The following XIRP2 variants were observed in gnomAD, a reference collection of about 807,000 sequenced individuals.
The protein encoded by XIRP2 is xin actin-binding repeat-containing protein 2.
In XIRP2, 236 loss-of-function variants were observed where a neutral mutation model predicts 277.0. The observed-to-expected ratio is 0.85, with a 90% CI of 0.77 to 0.95. XIRP2 has a LOEUF of 0.95. XIRP2 is among the 40% of genes least tolerant of loss of function. The probability of loss-of-function intolerance (pLI) is 0.00; values close to 1 mark genes in which losing one functional copy is unlikely to be tolerated. For missense variants in XIRP2, 4,640 were observed against 4,157.5 expected, an observed-to-expected ratio of 1.12 and a Z score of -3.19; for synonymous variants, 1,490 against 1,416.5, an observed-to-expected ratio of 1.05 and a Z score of -1.17.
chr2:167,198,668 A>T (rs1466511989), intron 3 of XIRP2, among the ~76,000 whole-genome samples: 5 of 152,190 alleles, frequency 3.3e-5, no homozygotes, highest in Admixed American at 2.6e-4. Context: ...AAGGTTTGAG[A>T]TACTATTTTT....
intron 5 of XIRP2, among the ~76,000 whole-genome samples, chr2:167,231,285 A>G (rs1694743414): frequency 6.6e-6 from 1 of 152,038 alleles, no homozygotes; most frequent in African/African-American, 2.4e-5. Context: ...GGAGGTCTGT[A>G]TAATTCAGTA....
chr2:167,089,516 G>A (rs1292347376), intron 2 of XIRP2, among the ~76,000 whole-genome samples: 1 of 152,132 alleles, frequency 6.6e-6, no homozygotes, highest in Non-Finnish European at 1.5e-5. Context: ...ATATCAAAAT[G>A]TTGTGCGCAT....
At chr2:166,910,517 GT>G (rs1461744176) in intron 2 of XIRP2, among the ~76,000 whole-genome samples, 1 of 151,824 alleles carries the variant, frequency 6.6e-6, no homozygotes, top group Non-Finnish European at 1.5e-5. Flanking sequence ...TTCTTTATTA[GT>G]CTTGCTGATG....
intron 2 of XIRP2, among the ~76,000 whole-genome samples, chr2:166,975,774 A>T (rs1232788126): frequency 2.0e-5 from 3 of 151,740 alleles, no homozygotes; most frequent in Non-Finnish European, 4.4e-5. Flanking sequence ...AAATGCAAAA[A>T]AATTAGCCGG....
chr2:167,026,237 G>A (rs1046922576), intron 2 of XIRP2, among the ~76,000 whole-genome samples: 1 of 152,072 alleles, frequency 6.6e-6, no homozygotes, highest in Non-Finnish European at 1.5e-5. Context: ...TTTGAGCTTT[G>A]TTGGTTTGAA....
At chr2:167,147,474 T>C (rs1428618251) in intron 3 of XIRP2, among the ~76,000 whole-genome samples, 7 of 152,158 alleles carry the variant, frequency 4.6e-5, no homozygotes, top group African/African-American at 7.2e-5. Flanking sequence ...CTGTATCAGT[T>C]TGGTCTCTGG....
chr2:166,911,370 G>A (rs527491954), intron 2 of XIRP2, among the ~76,000 whole-genome samples: 8 of 151,530 alleles, frequency 5.3e-5, no homozygotes, highest in Admixed American at 5.3e-4. Flanking sequence ...TTACGTAATG[G>A]CCTTGTCTCT....
intron 2 of XIRP2, among the ~76,000 whole-genome samples, chr2:167,005,033 G>T (rs1687470426): frequency 1.3e-5 from 2 of 151,686 alleles, no homozygotes; most frequent in African/African-American, 4.8e-5. Flanking sequence ...GCCACTATTG[G>T]CAAGAAATAA....
At chr2:167,113,266 A>G (rs556588347) in intron 2 of XIRP2, among the ~76,000 whole-genome samples, 2 of 152,116 alleles carry the variant, frequency 1.3e-5, no homozygotes, top group African/African-American at 4.8e-5. Flanking sequence ...CTCTCCCTAT[A>G]ATTGTGTGGG....
At position 166,904,021 on chromosome 2, in the gene XIRP2, C is replaced by T; in HGVS notation, c.408+131C>T. Reference sequence around the variant, plus strand: ...GATGTCCTGAAGCCGATGTGTAATGCAGTGTGAAATGTGACATCCTCTCCT... The same window carrying T: ...GATGTCCTGAAGCCGATGTGTAATGTAGTGTGAAATGTGACATCCTCTCCT... On this transcript the variant is annotated intron_variant, in intron 2 of 10. Coordinates refer to ENST00000409195, the MANE Select transcript of XIRP2 (RefSeq NM_152381.6). 2.8e-6 allele frequency: 3 copies of T among 1,062,356 alleles called. No homozygotes were observed. The South Asian group carries it at 5.3e-5, about 19-fold the overall frequency. 65.8% of individuals were successfully genotyped at this position (1,062,356 alleles called of 1,614,324 possible).
At chr2:167,108,422 T>C (rs1441333373) in intron 2 of XIRP2, among the ~76,000 whole-genome samples, 4 of 152,054 alleles carry the variant, frequency 2.6e-5, no homozygotes, top group African/African-American at 9.6e-5. Flanking sequence ...AATAGGACCA[T>C]AAGTTATTGA....
At chr2:166,922,182 A>T (rs1203181419) in intron 2 of XIRP2, among the ~76,000 whole-genome samples, 1 of 152,124 alleles carries the variant, frequency 6.6e-6, no homozygotes, top group Admixed American at 6.5e-5. Flanking sequence ...ATATGCAGCT[A>T]GCTTCAGAAG....
chr2:167,197,122 C>A (rs1026733086), intron 3 of XIRP2, among the ~76,000 whole-genome samples: 2 of 152,120 alleles, frequency 1.3e-5, no homozygotes, highest in African/African-American at 4.8e-5. Flanking sequence ...CATGTGGTAC[C>A]CTGCTGAGAC....
At chr2:167,030,794 A>G (rs1241833858) in intron 2 of XIRP2, among the ~76,000 whole-genome samples, 1 of 152,138 alleles carries the variant, frequency 6.6e-6, no homozygotes, top group Non-Finnish European at 1.5e-5. Context: ...GTGGGGTGTT[A>G]AAGTCTCCCA....
intron 2 of XIRP2, among the ~76,000 whole-genome samples, chr2:166,964,277 A>G (rs1005764871): frequency 1.3e-5 from 2 of 151,778 alleles, no homozygotes; most frequent in African/African-American, 4.8e-5. Context: ...TATTAATCAT[A>G]TTGTCATTGC....
At chr2:166,973,712 A>T (rs1378567474) in intron 2 of XIRP2, among the ~76,000 whole-genome samples, 1 of 152,210 alleles carries the variant, frequency 6.6e-6, no homozygotes, top group Non-Finnish European at 1.5e-5. Flanking sequence ...GCATTCTAGT[A>T]ACATTTCATT....
At chr2:167,049,467 G>T (rs1688865409) in intron 2 of XIRP2, among the ~76,000 whole-genome samples, 1 of 148,014 alleles carries the variant, frequency 6.8e-6, no homozygotes. Flanking sequence ...TTATCTGTTT[G>T]TTTCACAGAT....
In XIRP2 at chr2:167,244,351, C is replaced by A. The variant is rs1204998713; in HGVS notation, c.2959C>A (p.Pro987Thr). 1 of 1,613,472 alleles carries A rather than the reference C, an allele frequency of 6.2e-7. No individual in the cohort carries two copies. Among genetic ancestry groups the A allele is most frequent in the African/African-American group, 1.3e-5 (1 of 74,880 alleles). The change falls in exon 9 of 11, where the codon CCA (proline) becomes ACA (threonine). Residue 987 changes from proline (P) to threonine (T), a missense_variant. Physicochemically the swap from Pro to Thr is conservative, Grantham distance 38. Transcript: ENST00000409195. Reference protein sequence around the residue: ...ELNKSLFETTPLYAIQDPLGK... With the variant: ...ELNKSLFETTTLYAIQDPLGK... ...AAATAAATCTCTCTTCGAGACAACA[C>A]CACTGTATGCCATTCAAGATCCCCT...
At position 167,251,316 on chromosome 2, in the gene XIRP2, C is replaced by T; in HGVS notation, c.9924C>T (p.His3308=). The change falls in exon 9 of 11, where the codon CAC becomes CAT. Residue 3308 remains histidine (H), a synonymous_variant. Coordinates refer to ENST00000409195, the MANE Select transcript of XIRP2 (RefSeq NM_152381.6). ...CAGTGCCTCCTCGCCTGTCAGAGCA[C>T]ACACAGAGATATGAAGCGGCCAACC... The part of the protein sequence containing the change: ...KVAVPPRLSE[H]TQRYEAANRT... 1 of 1,613,600 alleles carries T rather than the reference C, an allele frequency of 6.2e-7. No individual in the cohort carries two copies.
Sources: gnomAD v4.1 joint callset for allele counts (sites outside exome capture counted in the v4.1 genomes callset) on GRCh38, gnomAD v4.1.1 for gene constraint, MANE v1.5 for transcripts, NCBI Gene and HGNC (gene_info 2026-07-23, HGNC 2026-07-21) for gene names.